The following IRAG2 variants were observed in gnomAD, a reference collection of about 807,000 sequenced individuals.
The protein encoded by IRAG2 is lymphoid restricted membrane protein.
Under a neutral mutation model 69.9 loss-of-function variants are expected in IRAG2, and 45 were observed. That is an observed-to-expected ratio of 0.64 (90% CI 0.51 to 0.83). IRAG2 has a LOEUF of 0.83. Ranked by LOEUF, IRAG2 falls within the 40% of genes least tolerant of loss-of-function variation. IRAG2 has a pLI of 0.00. For missense variants in IRAG2, 520 were observed against 587.0 expected, an observed-to-expected ratio of 0.89 and a Z score of 1.18; for synonymous variants, 193 against 202.4, an observed-to-expected ratio of 0.95 and a Z score of 0.40.
upstream of IRAG2, among the ~76,000 whole-genome samples, chr12:25,050,817 C>T (rs929088315): frequency 1.6e-4 from 24 of 152,202 alleles, no homozygotes; most frequent in African/African-American, 5.5e-4. Flanking sequence ...GAAATTCTGC[C>T]ACATATGACA....
At position 25,102,367 on chromosome 12, in the gene IRAG2, T is replaced by A. The variant is rs113479975; in HGVS notation, c.933+126T>A. 4.1e-4 allele frequency: 294 copies of A among 721,218 alleles called. 1 individual carries two copies. In the African/African-American group the frequency reaches 4.8e-3, roughly 12 times the overall value. The allele number at this position is 721,218 out of a possible 1,614,324, so 44.7% of individuals were successfully genotyped here. A position where few individuals can be genotyped will look rare whatever the true frequency, so the allele number is the denominator to read the frequency against. On this transcript the variant is annotated intron_variant, in intron 17 of 21. Coordinates refer to ENST00000556887, the MANE Select transcript of IRAG2 (RefSeq NM_001366544.2). ...TGATTTTAATTCATATAGATGTATT[T>A]GTTTATCTAAGTATGCTTTTATACT... is the stretch of plus-strand genomic sequence containing the variant.
chr12:25,098,799 C>T (rs1017937869), intron 15 of IRAG2, among the ~76,000 whole-genome samples: 10 of 152,192 alleles, frequency 6.6e-5, no homozygotes, highest in African/African-American at 2.4e-4. Context: ...CTCCCTCCTC[C>T]CACGTTCTCT....
chr12:25,099,533 G>A (rs947846337), intron 15 of IRAG2, among the ~76,000 whole-genome samples: 6 of 152,066 alleles, frequency 3.9e-5, no homozygotes, highest in African/African-American at 1.4e-4. Context: ...AATGCAATAG[G>A]TTCCTATATG....
chr12:25,069,538 A>C (rs1187528992), intron 6 of IRAG2, 107 bp downstream of exon 6: 2 of 989,460 alleles, frequency 2.0e-6, no homozygotes, highest in African/African-American at 3.3e-5. Context: ...AGTATTATGG[A>C]TATTCTTGTA....
chr12:25,099,530 T>C (rs753071903), intron 15 of IRAG2, among the ~76,000 whole-genome samples: 6 of 152,178 alleles, frequency 3.9e-5, no homozygotes, highest in Non-Finnish European at 7.4e-5. Context: ...ATTAATGCAA[T>C]AGGTTCCTAT....
chr12:25,104,044 A>C lies in IRAG2; in HGVS notation c.1032A>C (p.Arg344Ser), dbSNP rs2140254065. ...AGMENNDRFS[R>S]RSSSWRILGS... is the part of the protein sequence containing the mutation. ...TGGAAAATAATGATCGATTCAGTAG[A>C]AGGTCAAGCAGTTGGTAAGTGTAAT... is the stretch of plus-strand genomic sequence containing the variant. The change falls in exon 19 of 22, where the codon AGA becomes AGC. Residue 344 changes from arginine (R) to serine (S), a missense_variant. Physicochemically the swap from Arg to Ser is moderately radical, Grantham distance 110. Coordinates refer to ENST00000556887, the MANE Select transcript of IRAG2 (RefSeq NM_001366544.2). 1.2e-6 allele frequency: 2 copies of C among 1,613,472 alleles called. No individual in the cohort carries two copies. The highest frequency in any genetic ancestry group is 4.5e-5 in the East Asian group (2 of 44,788).
chr12:25,103,989 C>T lies in IRAG2; in HGVS notation c.997-20C>T, dbSNP rs780262911. On this transcript the variant is annotated intron_variant, in intron 18 of 21. Coordinates refer to ENST00000556887, the MANE Select transcript of IRAG2 (RefSeq NM_001366544.2). ...ACGTATATTTTATCATTTCTTTTAA[C>T]ATTTGAACTTCTACTAAAGGTGGCT... is the stretch of plus-strand genomic sequence containing the variant. 1 of 1,611,350 alleles carries T rather than the reference C, an allele frequency of 6.2e-7. No homozygotes were observed. Among genetic ancestry groups the T allele is most frequent in the Admixed American group, 1.7e-5 (1 of 59,978 alleles).
chr12:25,036,691 G>A (rs1944704698), intron 15 of IRAG2: 2 of 398,870 alleles, frequency 5.0e-6, no homozygotes, highest in East Asian at 7.1e-5. Context: ...CTTACTGTAA[G>A]TGTTTTATAT....
At chr12:25,019,972 CTAGGCTA>C (rs991148339) in intron 6 of IRAG2, among the ~76,000 whole-genome samples, 16 of 152,334 alleles carry the variant, frequency 1.1e-4, no homozygotes, top group African/African-American at 3.4e-4. Context: ...GTTTACCCCA[CTAGGCTA>C]TAAACTCCAG....
chr12:25,090,040 CA>C lies in IRAG2; in HGVS notation c.466-16del, dbSNP rs1182666409. The C allele has an allele frequency of 6.2e-7, 1 of 1,612,038 alleles. No individual in the cohort carries two copies. Among genetic ancestry groups the C allele is most frequent in the South Asian group, 1.1e-5 (1 of 90,830 alleles). On this transcript the variant is annotated splice_polypyrimidine_tract_variant and intron_variant, in intron 13 of 21. Coordinates refer to ENST00000556887, the MANE Select transcript of IRAG2 (RefSeq NM_001366544.2). ...TTTTCTCTCCTCTTCCTCACCCTCACATTATTTTGACAACAGGCAGAATTTC... is the reference window on the plus strand; with the variant it reads ...TTTTCTCTCCTCTTCCTCACCCTCACTTATTTTGACAACAGGCAGAATTTC...
At chr12:25,094,041 C>T (rs1478445319) in intron 14 of IRAG2, 1 of 151,652 alleles carries the variant, frequency 6.6e-6, no homozygotes, top group Non-Finnish European at 1.5e-5. Flanking sequence ...TATAGGTTGC[C>T]TTTTCTGTTG....
intron 16 of IRAG2, among the ~76,000 whole-genome samples, chr12:25,040,108 T>G (rs1467835866): frequency 2.0e-4 from 30 of 152,248 alleles, no homozygotes; most frequent in Non-Finnish European, 4.4e-4. Flanking sequence ...AAAATACTCC[T>G]TATCAGCATA....
intron 6 of IRAG2, 76 bp downstream of exon 6, chr12:25,069,507 C>G: frequency 2.3e-6 from 3 of 1,304,122 alleles, no homozygotes; most frequent in Non-Finnish European, 3.3e-6. Context: ...TATTCTTTTT[C>G]CCTGTCTTTT....
At chr12:25,102,105 G>C (rs1220612770) in intron 16 of IRAG2, 93 bp from the exon 17 acceptor site, 1 of 888,434 alleles carries the variant, frequency 1.1e-6, no homozygotes, top group East Asian at 2.5e-5. Flanking sequence ...AATATCTTCT[G>C]AATTTTGCTT....
chr12:25,003,759 G>A (rs535423914), upstream of IRAG2, among the ~76,000 whole-genome samples: 1 of 152,126 alleles, frequency 6.6e-6, no homozygotes, highest in Non-Finnish European at 1.5e-5. Flanking sequence ...ACAGCTGATA[G>A]GGTTTATGTG....
At chr12:25,032,080 A>G (rs2139848500) in intron 10 of IRAG2, 1 of 398,226 alleles carries the variant, frequency 2.5e-6, no homozygotes, top group East Asian at 3.6e-5. Flanking sequence ...TTAATAGTCT[A>G]ATATATATGA....
chr12:25,084,912 T>A (rs1947468497), intron 10 of IRAG2, among the ~76,000 whole-genome samples: 1 of 152,324 alleles, frequency 6.6e-6, no homozygotes, highest in African/African-American at 2.4e-5. Flanking sequence ...GTTCCCTGAT[T>A]CCCCTTGCAG....
chr12:25,038,132 T>C (rs11611409), exon 16 of IRAG2: 9,431 of 398,814 alleles, frequency 0.024, 141 homozygotes, highest in Non-Finnish European at 0.03. Flanking sequence ...AAGAATTTCT[T>C]GCCAGGTGAT....
At chr12:25,012,614 G>A (rs1944486016) in intron 3 of IRAG2, among the ~76,000 whole-genome samples, 1 of 152,090 alleles carries the variant, frequency 6.6e-6, no homozygotes, top group Admixed American at 6.5e-5. Flanking sequence ...GAACAGCTGA[G>A]GTTGGCAGTT....
Sources: allele counts gnomAD v4.1 joint callset (sites outside exome capture counted in the v4.1 genomes callset), GRCh38; gene constraint gnomAD v4.1.1; transcripts MANE v1.5; gene names NCBI Gene and HGNC (gene_info 2026-07-23, HGNC 2026-07-21).